Variants in AKAP6 observed in about 807,000 individuals in gnomAD.
AKAP6 encodes the protein A-kinase anchor protein 6.
Under a neutral mutation model 188.5 loss-of-function variants are expected in AKAP6, and 58 were observed. The ratio of observed to expected loss-of-function variants is 0.31; its 90% confidence interval spans 0.25 to 0.38. The LOEUF (loss-of-function observed/expected upper bound fraction) is 0.38, where lower values mean the gene tolerates loss of function less well. Ranked by LOEUF, AKAP6 falls within the 10% of genes least tolerant of loss-of-function variation. The pLI, the probability that AKAP6 is intolerant of heterozygous loss-of-function variation, is 1.00. For missense variants in AKAP6, 2,710 were observed against 2,740.0 expected, an observed-to-expected ratio of 0.99 and a Z score of 0.24; for synonymous variants, 989 against 998.6, an observed-to-expected ratio of 0.99 and a Z score of 0.18.
At chr14:32,540,192 A>ATATATATATATATTTT (rs1406480125) in intron 3 of AKAP6, among the ~76,000 whole-genome samples, 1 of 123,424 alleles carries the variant, frequency 8.1e-6, no homozygotes, top group Non-Finnish European at 1.7e-5. Flanking sequence ...ATATATATAT[A>ATATATATATATATTTT]TTTTAATTTT....
At chr14:32,706,228 T>C (rs1367794870) in intron 9 of AKAP6, among the ~76,000 whole-genome samples, 2 of 152,154 alleles carry the variant, frequency 1.3e-5, no homozygotes, top group Non-Finnish European at 2.9e-5. Context: ...TCCCTCTGTA[T>C]GAACTTTTTG....
rs73256785 is a variant in AKAP6, at chr14:32,365,257, T to C, written c.-35+35849T>C. ...TCATGTCTGGACAATAAAGTTACTT[T>C]AATGATTAAGTCGCAGGAGAAAAGG... is the stretch of plus-strand genomic sequence containing the variant. On this transcript the variant is annotated intron_variant, in intron 1 of 13. Coordinates refer to ENST00000280979, the MANE Select transcript of AKAP6 (RefSeq NM_004274.5). Among the ~76,000 whole-genome samples the C allele has an allele frequency of 2.1e-3, 314 of 152,350 alleles. 1 individual carries two copies. Among genetic ancestry groups the C allele is most frequent in the African/African-American group, 6.7e-3 (279 of 41,582 alleles).
At chr14:32,549,561 C>T (rs558076075) in intron 4 of AKAP6, among the ~76,000 whole-genome samples, 9 of 152,134 alleles carry the variant, frequency 5.9e-5, no homozygotes, top group African/African-American at 1.9e-4. Flanking sequence ...ATGAAGGCCA[C>T]GCCAAGGCAA....
intron 9 of AKAP6, among the ~76,000 whole-genome samples, chr14:32,708,863 AT>A (rs1890922908): frequency 6.6e-6 from 1 of 151,964 alleles, no homozygotes; most frequent in Non-Finnish European, 1.5e-5. Flanking sequence ...GAAAATATGC[AT>A]GATAAACATT....
Position 32,546,024 on chromosome 14 carries a change from G to C in AKAP6, c.1371G>C (p.Glu457Asp). The change falls in exon 4 of 14, where the codon GAG becomes GAC. Residue 457 changes from glutamate to aspartate, a missense_variant. Glu to Asp is a conservative substitution (Grantham distance 45, BLOSUM62 2). Around this residue, in one of 2 missense-constraint regions of AKAP6, gnomAD observed 2,473 missense variants for 2,426.1 expected, o/e 1.02. Coordinates refer to ENST00000280979, the MANE Select transcript of AKAP6 (RefSeq NM_004274.5). The part of the protein sequence containing the change: ...NSPSAASQSY[E>D]CLHKVGNGNL... ...CTTCTGCTGCCAGCCAGTCTTATGAGTGTTTACACAAGGTGGGGAATGGGA... is the reference window on the plus strand; with the variant it reads ...CTTCTGCTGCCAGCCAGTCTTATGACTGTTTACACAAGGTGGGGAATGGGA... 6.2e-7 allele frequency: 1 copy of C among 1,614,090 alleles called. No homozygotes were observed. Among genetic ancestry groups the C allele is most frequent in the Middle Eastern group, 1.6e-4 (1 of 6,062 alleles).
chr14:32,645,161 G>C (rs1475554574), intron 7 of AKAP6, among the ~76,000 whole-genome samples: 1 of 152,026 alleles, frequency 6.6e-6, no homozygotes, highest in East Asian at 1.9e-4. Flanking sequence ...TTTAAATTTT[G>C]ACTCTGTATA....
intron 12 of AKAP6, among the ~76,000 whole-genome samples, chr14:32,781,744 A>C (rs919020060): frequency 5.3e-5 from 8 of 152,202 alleles, no homozygotes; most frequent in African/African-American, 1.4e-4. Context: ...ACGTAGTTTC[A>C]TACTTGAAAA....
intron 1 of AKAP6, among the ~76,000 whole-genome samples, chr14:32,409,680 C>T (rs1390585123): frequency 6.6e-6 from 1 of 152,106 alleles, no homozygotes; most frequent in Admixed American, 6.6e-5. Flanking sequence ...GTAATATGGC[C>T]TAATAACAAA....
chr14:32,510,413 T>TACAC, intron 2 of AKAP6, among the ~76,000 whole-genome samples: 1 of 83,082 alleles, frequency 1.2e-5, no homozygotes, highest in African/African-American at 4.6e-5. Flanking sequence ...TGTATATATA[T>TACAC]GTATATATAT....
At chr14:32,445,933 C>T (rs1265717125) in intron 2 of AKAP6, among the ~76,000 whole-genome samples, 2 of 152,116 alleles carry the variant, frequency 1.3e-5, no homozygotes, top group Non-Finnish European at 2.9e-5. Flanking sequence ...GCTCTCATAC[C>T]TATACTGGAA....
chr14:32,443,332 G>C (rs1413077842), intron 2 of AKAP6, among the ~76,000 whole-genome samples: 1 of 152,026 alleles, frequency 6.6e-6, no homozygotes, highest in Admixed American at 6.5e-5. Flanking sequence ...GATGGAGGTT[G>C]CAGTGAGCTG....
chr14:32,703,048 C>A (rs1377330486), intron 9 of AKAP6, among the ~76,000 whole-genome samples: 4 of 152,086 alleles, frequency 2.6e-5, no homozygotes, highest in African/African-American at 7.2e-5. Context: ...ATGCTACAAC[C>A]TATGGAATTA....
At chr14:32,730,192 C>A (rs947516365) in intron 9 of AKAP6, among the ~76,000 whole-genome samples, 7 of 151,996 alleles carry the variant, frequency 4.6e-5, no homozygotes, top group African/African-American at 9.7e-5. Flanking sequence ...CATTTTAGTA[C>A]CTTTCATCCA....
At chr14:32,381,191 T>G (rs1327396667) in intron 1 of AKAP6, among the ~76,000 whole-genome samples, 2 of 151,872 alleles carry the variant, frequency 1.3e-5, no homozygotes, top group African/African-American at 2.4e-5. Context: ...ACAAAAAAAT[T>G]TAGCTGGGCC....
chr14:32,522,191 T>G lies in AKAP6; in HGVS notation c.325-13363T>G, dbSNP rs138039322. 9.2e-3 allele frequency among the ~76,000 whole-genome samples: 1,398 copies of G among 152,178 alleles called. 23 individuals are homozygous for G. Among genetic ancestry groups the G allele is most frequent in the African/African-American group, 0.029 (1,225 of 41,546 alleles). ...ACACCTTATACAAAAATTAATTCAA[T>G]ATGGATTAAAGACTTAAATGTTAGA... is the stretch of plus-strand genomic sequence containing the variant. On this transcript the variant is annotated intron_variant, in intron 2 of 13. Coordinates refer to ENST00000280979, the MANE Select transcript of AKAP6 (RefSeq NM_004274.5).
At chr14:32,566,556 C>T (rs900339289) in intron 4 of AKAP6, among the ~76,000 whole-genome samples, 3 of 151,970 alleles carry the variant, frequency 2.0e-5, no homozygotes, top group Non-Finnish European at 4.4e-5. Context: ...GTCCCAAGGG[C>T]CTAATACAAT....
intron 12 of AKAP6, among the ~76,000 whole-genome samples, chr14:32,805,768 A>T (rs1236349912): frequency 1.3e-5 from 2 of 152,138 alleles, no homozygotes; most frequent in African/African-American, 4.8e-5. Context: ...GTTTCCCTTG[A>T]ATTGTGTTTA....
intron 12 of AKAP6, among the ~76,000 whole-genome samples, chr14:32,789,642 A>C (rs575920766): frequency 6.6e-6 from 1 of 152,352 alleles, no homozygotes; most frequent in Non-Finnish European, 1.5e-5. Context: ...CCTATGCTAG[A>C]GTGGCCTGAC....
chr14:32,413,174 AATTTTTT>A (rs1889544537), intron 1 of AKAP6, among the ~76,000 whole-genome samples: 2 of 131,158 alleles, frequency 1.5e-5, no homozygotes, highest in Non-Finnish European at 3.2e-5. Flanking sequence ...TATTTATTGA[AATTTTTT>A]TTTTTTTTTT....
Sources: gnomAD v4.1 joint callset for allele counts (sites outside exome capture counted in the v4.1 genomes callset) on GRCh38, gnomAD v4.1.1 for gene constraint, gnomAD v4.1.1 regional missense constraint, MANE v1.5 for transcripts, NCBI Gene and HGNC (gene_info 2026-07-23, HGNC 2026-07-21) for gene names.